PDZRN3: variants seen among roughly 807,000 people sequenced by gnomAD.
PDZRN3 encodes PDZ domain containing ring finger 3.
A neutral mutation model predicts 85.7 loss-of-function variants in PDZRN3; 38 were observed. The ratio of observed to expected loss-of-function variants is 0.44; its 90% CI spans 0.34 to 0.58. The LOEUF (loss-of-function observed/expected upper bound fraction) is 0.58. PDZRN3 is among the 20% of genes least tolerant of loss of function. The pLI, the probability that PDZRN3 is intolerant of heterozygous loss-of-function variation, is 0.01. For missense variants in PDZRN3, 1,629 were observed against 1,506.4 expected (o/e 1.08, Z -1.35); for synonymous variants, 759 against 638.0 (o/e 1.19, Z -2.86).
At position 73,450,120 on chromosome 3, in the gene PDZRN3, A is replaced by G. The variant is rs114758422; in HGVS notation, c.919-45725T>C. On this transcript the variant is annotated intron_variant, in intron 3 of 9. Coordinates refer to ENST00000263666, the MANE Select transcript of PDZRN3 (RefSeq NM_015009.3). ...AAATAAGTCAGCCCAGTTCCACTGC[A>G]AGTTCTAACAGCATTGGTTTTTGGA... Among the ~76,000 whole-genome samples the G allele has an allele frequency of 7.5e-3, 1,150 of 152,318 alleles. 13 individuals are homozygous for G. The highest frequency in any genetic ancestry group is 0.026 in the African/African-American group (1,090 of 41,580).
chr3:73,449,522 G>T (rs149990909), intron 3 of PDZRN3, among the ~76,000 whole-genome samples: 2 of 152,338 alleles, frequency 1.3e-5, no homozygotes, highest in East Asian at 3.9e-4. Flanking sequence ...TCTGAATCAT[G>T]ATGAGGACTT....
intron 3 of PDZRN3, among the ~76,000 whole-genome samples, chr3:73,482,589 A>G (rs953998788): frequency 6.6e-6 from 1 of 152,132 alleles, no homozygotes. Context: ...CATTTTTTAA[A>G]ACATCATGTA....
intron 3 of PDZRN3, among the ~76,000 whole-genome samples, chr3:73,450,235 G>T (rs1457933575): frequency 2.0e-5 from 3 of 152,114 alleles, no homozygotes; most frequent in Non-Finnish European, 4.4e-5. Flanking sequence ...GTTCTACATT[G>T]ACATGCCACT....
intron 3 of PDZRN3, among the ~76,000 whole-genome samples, chr3:73,459,659 T>G (rs1703063838): frequency 6.6e-6 from 1 of 152,220 alleles, no homozygotes; most frequent in Non-Finnish European, 1.5e-5. Context: ...CCCAACTCGA[T>G]CCATGCTCCT....
At chr3:73,581,052 T>A (rs1702194704) in intron 3 of PDZRN3, among the ~76,000 whole-genome samples, 1 of 151,894 alleles carries the variant, frequency 6.6e-6, no homozygotes, top group Non-Finnish European at 1.5e-5. Flanking sequence ...CATTTTGGAG[T>A]TTGAGGTTTA....
At chr3:73,571,595 ACCAATGC>A (rs137986753) in intron 3 of PDZRN3, among the ~76,000 whole-genome samples, 2,820 of 152,246 alleles carry the variant, frequency 0.019, 41 homozygotes, top group Non-Finnish European at 0.027. Flanking sequence ...TTTTTCAAAG[ACCAATGC>A]CATTTGGTTG....
intron 5 of PDZRN3, among the ~76,000 whole-genome samples, chr3:73,393,527 G>A (rs927378299): frequency 2.6e-5 from 4 of 152,278 alleles, no homozygotes; most frequent in African/African-American, 9.6e-5. Context: ...GTTGGTGAAC[G>A]CGTCGCAGAT....
chr3:73,467,198 G>T (rs990703018), intron 3 of PDZRN3, among the ~76,000 whole-genome samples: 2 of 152,138 alleles, frequency 1.3e-5, no homozygotes, highest in African/African-American at 2.4e-5. Flanking sequence ...CCATGTACTC[G>T]CAGTAAAGCC....
intron 3 of PDZRN3, among the ~76,000 whole-genome samples, chr3:73,517,712 C>A (rs997741715): frequency 1.3e-5 from 2 of 152,158 alleles, no homozygotes; most frequent in Admixed American, 6.5e-5. Flanking sequence ...TCACATTTCA[C>A]AAGCAAGACG....
chr3:73,404,388 C>A lies in PDZRN3; in HGVS notation c.926G>T (p.Gly309Val). The A allele has an allele frequency of 6.2e-7, 1 of 1,611,294 alleles. No individual in the cohort carries two copies. The highest frequency in any genetic ancestry group is 1.7e-4 in the Middle Eastern group (1 of 6,034). Reference sequence around the variant, plus strand: ...ATGAGTTGCTCTGGATAAGTCTCTGCCGTTGACCTGTGGAAAAATATTTAG... The same window carrying A: ...ATGAGTTGCTCTGGATAAGTCTCTGACGTTGACCTGTGGAAAAATATTTAG... The part of the protein sequence containing the change: ...QIHDRIIEVN[G>V]RDLSRATHDQ... The change falls in exon 4 of 10, where the codon GGC (glycine) becomes GTC (valine). Residue 309 changes from glycine to valine, a missense_variant. Gly to Val is a moderately radical substitution (Grantham distance 109). Coordinates refer to ENST00000263666, the MANE Select transcript of PDZRN3 (RefSeq NM_015009.3).
intron 3 of PDZRN3, among the ~76,000 whole-genome samples, chr3:73,429,914 T>TCA (rs1702396498): frequency 6.6e-6 from 1 of 152,148 alleles, no homozygotes; most frequent in African/African-American, 2.4e-5. Context: ...GGAACCTTTC[T>TCA]CAGGAGGTAC....
At position 73,384,010 on chromosome 3, in the gene PDZRN3, G is replaced by T; in HGVS notation, c.2556C>A (p.Ser852Arg). The change falls in exon 10 of 10, where the codon AGC becomes AGA. Residue 852 changes from serine to arginine, a missense_variant. Transcript: ENST00000263666. Reference protein sequence around the residue: ...ASDGSRSPTPSQKLGSAYLPS... With the variant: ...ASDGSRSPTPRQKLGSAYLPS... ...GCAGGTAGGCGCTGCCCAGCTTCTG[G>T]CTGGGCGTGGGGCTCCGGCTCCCGT... is the stretch of plus-strand genomic sequence containing the variant. The T allele has an allele frequency of 6.3e-7, 1 of 1,590,164 alleles. No homozygotes were observed.
intron 3 of PDZRN3, among the ~76,000 whole-genome samples, chr3:73,440,973 C>T (rs1360730907): frequency 2.6e-5 from 4 of 152,198 alleles, no homozygotes; most frequent in African/African-American, 9.7e-5. Context: ...AGTCACAAAC[C>T]AGGGGCGGAA....
At chr3:73,589,177 T>C (rs2106877353) in intron 3 of PDZRN3, among the ~76,000 whole-genome samples, 1 of 152,204 alleles carries the variant, frequency 6.6e-6, no homozygotes, top group East Asian at 1.9e-4. Flanking sequence ...CCCAAGTAGC[T>C]GGGACACTTT....
At chr3:73,501,209 G>C (rs536235690) in intron 3 of PDZRN3, among the ~76,000 whole-genome samples, 3 of 152,308 alleles carry the variant, frequency 2.0e-5, no homozygotes, top group South Asian at 4.1e-4. Context: ...CTTAACAGCA[G>C]AACCAGTTTC....
intron 1 of PDZRN3, among the ~76,000 whole-genome samples, chr3:73,621,154 C>T (rs1335146542): frequency 6.6e-6 from 1 of 152,216 alleles, no homozygotes; most frequent in African/African-American, 2.4e-5. Flanking sequence ...CCAGTGACTC[C>T]AATCACGCTA....
intron 8 of PDZRN3, 69 bp downstream of exon 8, chr3:73,387,899 T>G (rs916919263): frequency 1.8e-5 from 13 of 728,590 alleles, no homozygotes; most frequent in Non-Finnish European, 3.0e-5. Flanking sequence ...CAGGTGCTCT[T>G]TTGCAGGCCT....
intron 3 of PDZRN3, among the ~76,000 whole-genome samples, chr3:73,517,809 G>A (rs1238833130): frequency 6.6e-6 from 1 of 152,182 alleles, no homozygotes; most frequent in Non-Finnish European, 1.5e-5. Context: ...AAATGGTTAA[G>A]ACAAAAACAG....
chr3:73,425,375 G>A (rs76766281), intron 3 of PDZRN3, among the ~76,000 whole-genome samples: 2 of 152,058 alleles, frequency 1.3e-5, no homozygotes. Context: ...ATTTCAAAGG[G>A]TGATTCCCAG....
Sources: gnomAD v4.1 joint callset for allele counts (sites outside exome capture counted in the v4.1 genomes callset) on GRCh38, gnomAD v4.1.1 for gene constraint, MANE v1.5 for transcripts, NCBI Gene and HGNC (gene_info 2026-07-23, HGNC 2026-07-21) for gene names.